B3GALT1: variants seen among roughly 807,000 people sequenced by gnomAD.
B3GALT1 encodes the protein UDP-Gal:betaGlcNAc beta 1,3-galactosyltransferase, polypeptide 1.
A neutral mutation model predicts 23.2 loss-of-function variants in B3GALT1; 10 were observed. The observed-to-expected ratio is 0.43, with a 90% CI of 0.27 to 0.73. The LOEUF (loss-of-function observed/expected upper bound fraction) is 0.73. Ranked by LOEUF, B3GALT1 falls within the 30% of genes least tolerant of loss-of-function variation. The pLI, the probability that B3GALT1 is intolerant of heterozygous loss-of-function variation, is 0.21. For synonymous variants in B3GALT1, 156 were observed against 141.5 expected (o/e 1.10, Z -0.73); for missense variants, 299 against 405.4 (o/e 0.74, Z 2.25).
intron 1 of B3GALT1, among the ~76,000 whole-genome samples, chr2:167,366,451 G>T (rs889158392): frequency 1.3e-5 from 2 of 152,060 alleles, no homozygotes; most frequent in African/African-American, 4.8e-5. Flanking sequence ...ATTTGTACAC[G>T]GGAAAACTGG....
In B3GALT1 at chr2:167,523,869, T is replaced by G. The variant is rs564244627; in HGVS notation, c.-410+33592T>G. The stretch of plus-strand genomic sequence containing the variant: ...CTCACATATAAAGTTGCCTCATTTT[T>G]TAATGGATTCATAATAGTCCATTAG... On this transcript the variant is annotated intron_variant, in intron 2 of 4. Coordinates refer to ENST00000392690, the MANE Select transcript of B3GALT1 (RefSeq NM_020981.4). Among the ~76,000 whole-genome samples the G allele has an allele frequency of 1.4e-3, 12 of 8,554 alleles. No homozygotes were observed. In the East Asian group the frequency reaches 0.038, roughly 27 times the overall value. 5.6% of individuals were successfully genotyped at this position (8,554 alleles called of 152,430 possible). A position where few individuals can be genotyped will look rare whatever the true frequency, so the allele number is the denominator to read the frequency against.
intron 1 of B3GALT1, among the ~76,000 whole-genome samples, chr2:167,323,853 TAACTC>T (rs1696849694): frequency 6.6e-6 from 1 of 151,384 alleles, no homozygotes; most frequent in Admixed American, 6.6e-5. Flanking sequence ...TTTTTTTTCT[TAACTC>T]GAGGAGTTGT....
chr2:167,766,501 T>G (rs1028431770), intron 3 of B3GALT1, among the ~76,000 whole-genome samples: 4 of 152,192 alleles, frequency 2.6e-5, no homozygotes, highest in Non-Finnish European at 5.9e-5. Context: ...TATCAGCCAT[T>G]TATTCCACGC....
At chr2:167,624,002 G>A (rs938005236) in intron 2 of B3GALT1, among the ~76,000 whole-genome samples, 1 of 151,956 alleles carries the variant, frequency 6.6e-6, no homozygotes, top group Non-Finnish European at 1.5e-5. Flanking sequence ...CTAGGGTATT[G>A]GGAAGTCTTA....
chr2:167,851,841 C>T (rs1239696544), intron 4 of B3GALT1, among the ~76,000 whole-genome samples: 2 of 152,188 alleles, frequency 1.3e-5, no homozygotes, highest in Admixed American at 6.5e-5. Flanking sequence ...TCTTCTGAGA[C>T]TGACATGTGC....
At chr2:167,417,923 G>A (rs975022077) in intron 1 of B3GALT1, among the ~76,000 whole-genome samples, 2 of 152,176 alleles carry the variant, frequency 1.3e-5, no homozygotes, top group Non-Finnish European at 2.9e-5. Flanking sequence ...ACAATCAGTT[G>A]AATATTGCAA....
intron 3 of B3GALT1, among the ~76,000 whole-genome samples, chr2:167,708,403 G>A (rs1354710552): frequency 6.6e-6 from 1 of 152,244 alleles, no homozygotes; most frequent in East Asian, 1.9e-4. Context: ...GCTCACGCCT[G>A]TAATCCCAGC....
chr2:167,560,528 A>G (rs1313578735), intron 2 of B3GALT1, among the ~76,000 whole-genome samples: 1 of 152,262 alleles, frequency 6.6e-6, no homozygotes, highest in Non-Finnish European at 1.5e-5. Flanking sequence ...ATAAAGAGTC[A>G]AGACCCATCA....
At chr2:167,524,860 G>A (rs974399685) in intron 2 of B3GALT1, among the ~76,000 whole-genome samples, 4 of 152,122 alleles carry the variant, frequency 2.6e-5, no homozygotes, top group African/African-American at 7.2e-5. Flanking sequence ...TTTTAGAGAC[G>A]TTTTCATATC....
intron 2 of B3GALT1, among the ~76,000 whole-genome samples, chr2:167,613,024 A>G (rs1685096189): frequency 6.6e-6 from 1 of 151,952 alleles, no homozygotes; most frequent in Admixed American, 6.6e-5. Flanking sequence ...AGCATCTGGC[A>G]TTTCCCCAAA....
At chr2:167,521,671 C>G (rs968073880) in intron 2 of B3GALT1, among the ~76,000 whole-genome samples, 4 of 151,926 alleles carry the variant, frequency 2.6e-5, no homozygotes, top group African/African-American at 9.7e-5. Context: ...TTTCCTAAAT[C>G]ATTCAAATTT....
intron 2 of B3GALT1, among the ~76,000 whole-genome samples, chr2:167,533,337 GA>G (rs1683363514): frequency 8.3e-6 from 1 of 121,054 alleles, no homozygotes; most frequent in East Asian, 5.6e-4. Context: ...AGTTTTCTGA[GA>G]GTTTTTTTTT....
rs1574033643 is a variant in B3GALT1 at position 167,325,883 on chromosome 2, A to T, written c.-511+32549A>T. Among the ~76,000 whole-genome samples the T allele has an allele frequency of 1.3e-5, 2 of 151,520 alleles. 1 individual carries two copies. Among genetic ancestry groups the T allele is most frequent in the East Asian group, 3.9e-4 (2 of 5,150 alleles). ...CAGACGTTTGCCACCACACCTGGCT[A>T]ATTTTTCTATTTTTAGTAGAGATGG... is the stretch of plus-strand genomic sequence containing the variant. On this transcript the variant is annotated intron_variant, in intron 1 of 4. Transcript: ENST00000392690.
chr2:167,317,581 G>GT (rs543608320), intron 1 of B3GALT1, among the ~76,000 whole-genome samples: 30 of 152,196 alleles, frequency 2.0e-4, no homozygotes, highest in Middle Eastern at 3.4e-3. Flanking sequence ...TGAGTAAGGT[G>GT]TTTACAGTTT....
At chr2:167,581,085 C>T (rs1684476387) in intron 2 of B3GALT1, among the ~76,000 whole-genome samples, 1 of 152,160 alleles carries the variant, frequency 6.6e-6, no homozygotes, top group Admixed American at 6.5e-5. Flanking sequence ...CCAATAAGCT[C>T]TTAAAATTAT....
Position 167,724,962 on chromosome 2 carries a change from T to G in B3GALT1, c.-352+77996T>G, listed in dbSNP as rs978541829. Among the ~76,000 whole-genome samples the G allele has an allele frequency of 2.0e-5, 3 of 152,220 alleles. No homozygotes were observed. The South Asian group carries it at 6.2e-4, about 32-fold the overall frequency. On this transcript the variant is annotated intron_variant, in intron 3 of 4. Transcript: ENST00000392690. ...TTTTCCATTCAGTGCTTGGAGAACA[T>G]GACCACTGGAGAACCCCAGTTTTAT...
At chr2:167,382,640 CT>C (rs1697861873) in intron 1 of B3GALT1, among the ~76,000 whole-genome samples, 1 of 152,152 alleles carries the variant, frequency 6.6e-6, no homozygotes, top group Non-Finnish European at 1.5e-5. Flanking sequence ...CTGCAGTGAA[CT>C]ACACACCTTG....
At chr2:167,761,013 C>T (rs1461880292) in intron 3 of B3GALT1, among the ~76,000 whole-genome samples, 1 of 152,108 alleles carries the variant, frequency 6.6e-6, no homozygotes, top group Non-Finnish European at 1.5e-5. Context: ...ATTACATGTG[C>T]CTGTTTGACC....
intron 3 of B3GALT1, among the ~76,000 whole-genome samples, chr2:167,666,014 G>A (rs1445038420): frequency 6.6e-6 from 1 of 152,144 alleles, no homozygotes; most frequent in East Asian, 1.9e-4. Flanking sequence ...GCTTTTGAAT[G>A]TGTTTGCTCT....
Sources: allele counts gnomAD v4.1 joint callset (sites outside exome capture counted in the v4.1 genomes callset), GRCh38; gene constraint gnomAD v4.1.1; transcripts MANE v1.5; gene names NCBI Gene and HGNC (gene_info 2026-07-23, HGNC 2026-07-21).